RARB: variants seen among roughly 807,000 people sequenced by gnomAD.
RARB encodes retinoic acid receptor beta.
In RARB, 17 loss-of-function variants were observed where a neutral mutation model predicts 51.9. The observed-to-expected ratio is 0.33, with a 90% confidence interval of 0.22 to 0.49. RARB has a LOEUF of 0.49. RARB is among the 20% of genes least tolerant of loss of function. The pLI is 0.99. For missense variants in RARB, 369 were observed against 550.8 expected, an observed-to-expected ratio of 0.67 and a Z score of 3.30; for synonymous variants, 215 against 195.4, an observed-to-expected ratio of 1.10 and a Z score of -0.84.
chr3:25,410,346 G>A (rs1707526173), intron 5 of RARB, among the ~76,000 whole-genome samples: 1 of 152,186 alleles, frequency 6.6e-6, no homozygotes, highest in African/African-American at 2.4e-5. Context: ...TTTCTTTTAA[G>A]CTGGCAGCAG....
chr3:25,096,839 A>T (rs550235246), intron 3 of RARB, among the ~76,000 whole-genome samples: 3 of 152,184 alleles, frequency 2.0e-5, no homozygotes, highest in Non-Finnish European at 4.4e-5. Flanking sequence ...AGGTGCCACA[A>T]TAAGAAAGTG....
upstream of RARB, among the ~76,000 whole-genome samples, chr3:25,423,632 A>G (rs561039387): frequency 2.0e-5 from 3 of 152,358 alleles, no homozygotes; most frequent in Non-Finnish European, 2.9e-5. Flanking sequence ...TTTTCACTTT[A>G]TATCTTTTGG....
chr3:25,538,550 A>G (rs1197708397), intron 3 of RARB, among the ~76,000 whole-genome samples: 1 of 152,208 alleles, frequency 6.6e-6, no homozygotes, highest in Non-Finnish European at 1.5e-5. Flanking sequence ...ATTTGTTACT[A>G]GGCCCCACAA....
At chr3:25,527,358 T>A (rs969861914) in intron 3 of RARB, among the ~76,000 whole-genome samples, 2 of 152,196 alleles carry the variant, frequency 1.3e-5, no homozygotes, top group African/African-American at 2.4e-5. Context: ...CTCGATTTCC[T>A]CCTTAGGGAG....
intron 2 of RARB, among the ~76,000 whole-genome samples, chr3:24,883,898 T>C (rs1257414943): frequency 6.6e-6 from 1 of 152,148 alleles, no homozygotes; most frequent in Non-Finnish European, 1.5e-5. Flanking sequence ...CATATCAAAT[T>C]TCTCATTTTA....
At chr3:25,060,165 G>T (rs2125303549) in exon 3 of RARB, 1 of 151,740 alleles carries the variant, frequency 6.6e-6, no homozygotes. Context: ...CTTGCCCTAA[G>T]ACCCATACCT....
At chr3:25,530,877 G>A (rs1480915848) in intron 3 of RARB, among the ~76,000 whole-genome samples, 1 of 152,202 alleles carries the variant, frequency 6.6e-6, no homozygotes, top group Non-Finnish European at 1.5e-5. Context: ...TGAAATTTAA[G>A]AGAGTGACAG....
chr3:25,342,584 T>A (rs1442554580), intron 5 of RARB, among the ~76,000 whole-genome samples: 1 of 152,208 alleles, frequency 6.6e-6, no homozygotes, highest in Non-Finnish European at 1.5e-5. Context: ...TTCTTTTTTT[T>A]ATTCCTGGTT....
At chr3:24,969,422 C>CTATTAT (rs1201922615) in intron 2 of RARB, among the ~76,000 whole-genome samples, 6 of 152,082 alleles carry the variant, frequency 3.9e-5, no homozygotes, top group Non-Finnish European at 8.8e-5. Context: ...TCAGTAACAG[C>CTATTAT]TTATTTCCCA....
At chr3:25,066,325 G>C (rs1698661165) in intron 3 of RARB, among the ~76,000 whole-genome samples, 1 of 152,142 alleles carries the variant, frequency 6.6e-6, no homozygotes, top group African/African-American at 2.4e-5. Flanking sequence ...AAAGATTGTG[G>C]ACTGAGTTAA....
At chr3:25,282,613 G>A (rs977857220) in intron 5 of RARB, among the ~76,000 whole-genome samples, 2 of 152,192 alleles carry the variant, frequency 1.3e-5, no homozygotes, top group African/African-American at 4.8e-5. Flanking sequence ...TATAGATGGT[G>A]CTTGATAAAT....
intron 4 of RARB, among the ~76,000 whole-genome samples, chr3:25,571,227 G>A (rs1700698047): frequency 6.6e-6 from 1 of 152,232 alleles, no homozygotes. Context: ...TGGAAGCAGA[G>A]GTAGAACCTT....
chr3:25,045,062 T>A (rs964099602), intron 2 of RARB, among the ~76,000 whole-genome samples: 1 of 152,184 alleles, frequency 6.6e-6, no homozygotes, highest in African/African-American at 2.4e-5. Flanking sequence ...CTAAAAAGTT[T>A]AGTTTGGTTA....
chr3:25,056,049 C>A (rs1157601285), intron 2 of RARB, among the ~76,000 whole-genome samples: 4 of 152,092 alleles, frequency 2.6e-5, no homozygotes, highest in African/African-American at 9.7e-5. Flanking sequence ...CCCTATTACC[C>A]TGCCGGGAAA....
intron 5 of RARB, among the ~76,000 whole-genome samples, chr3:25,316,243 G>A (rs1268100762): frequency 6.6e-6 from 1 of 152,064 alleles, no homozygotes; most frequent in Non-Finnish European, 1.5e-5. Context: ...TCTATCTAGA[G>A]GTAGGGAGTG....
intron 3 of RARB, among the ~76,000 whole-genome samples, chr3:25,108,350 G>GGTTA (rs1699544794): frequency 6.6e-6 from 1 of 152,198 alleles, no homozygotes; most frequent in African/African-American, 2.4e-5. Context: ...GAAGAGTCCA[G>GGTTA]GTTAGGGTTG....
At chr3:24,957,097 A>G (rs774767760) in intron 2 of RARB, among the ~76,000 whole-genome samples, 9 of 152,170 alleles carry the variant, frequency 5.9e-5, no homozygotes, top group Non-Finnish European at 1.2e-4. Flanking sequence ...TCTGAGGGCA[A>G]TTGCCAGAGA....
At chr3:25,212,051 G>A (rs980161320) in intron 5 of RARB, among the ~76,000 whole-genome samples, 2 of 152,066 alleles carry the variant, frequency 1.3e-5, no homozygotes, top group Admixed American at 6.5e-5. Flanking sequence ...CTGTTTAGTG[G>A]GTTGGAGTGG....
chr3:25,439,323 C>T (rs1270743574), intron 1 of RARB, among the ~76,000 whole-genome samples: 1 of 152,190 alleles, frequency 6.6e-6, no homozygotes, highest in Non-Finnish European at 1.5e-5. Flanking sequence ...TTAACCATTA[C>T]CATTTAGTGA....
Sources: allele counts gnomAD v4.1 joint callset (sites outside exome capture counted in the v4.1 genomes callset), GRCh38; gene constraint gnomAD v4.1.1; transcripts MANE v1.5; gene names NCBI Gene and HGNC (gene_info 2026-07-23, HGNC 2026-07-21).